Variants in DMD observed in about 807,000 individuals in gnomAD.
DMD encodes the protein dystrophin, also known as mutant dystrophin.
In DMD, 63 loss-of-function variants were observed where a neutral mutation model predicts 330.1. That is an observed-to-expected ratio of 0.19 (90% CI 0.16 to 0.24). The LOEUF (loss-of-function observed/expected upper bound fraction) is 0.24. Ranked by LOEUF, DMD falls within the 10% of genes least tolerant of loss-of-function variation. The pLI is 1.00. For missense variants in DMD, 3,344 were observed against 2,684.1 expected (o/e 1.25, Z -5.43); for synonymous variants, 1,223 against 959.8 (o/e 1.27, Z -5.07).
At chrX:33,223,102 G>C (rs1037846200) in intron 1 of DMD, among the ~76,000 whole-genome samples, 4 of 111,768 alleles carry the variant, frequency 3.6e-5, no homozygotes, top group Non-Finnish European at 7.5e-5. Context: ...TTGAGGTCAG[G>C]AGTATGAGAC....
intron 43 of DMD, among the ~76,000 whole-genome samples, chrX:32,267,184 C>T: frequency 8.9e-6 from 1 of 112,184 alleles, no homozygotes; most frequent in South Asian, 3.7e-4. Context: ...CTTAACTTCA[C>T]TTATCTCATT....
chrX:31,619,703 A>T (rs5972420), intron 55 of DMD, among the ~76,000 whole-genome samples: 4 of 110,756 alleles, frequency 3.6e-5, no homozygotes, highest in Admixed American at 9.6e-5. Flanking sequence ...TCCAATAGTT[A>T]ATTTACAAAG....
chrX:32,277,434 T>C (rs1299559306), intron 43 of DMD, among the ~76,000 whole-genome samples: 5 of 84,197 alleles, frequency 5.9e-5, no homozygotes, highest in African/African-American at 8.9e-5. Flanking sequence ...TCAACCAAAG[T>C]AGTAACATTG....
chrX:31,899,860 C>T (rs2094399029), intron 47 of DMD, among the ~76,000 whole-genome samples: 1 of 111,246 alleles, frequency 9.0e-6, no homozygotes, highest in African/African-American at 3.3e-5. Flanking sequence ...GAAATAGATG[C>T]TTAGATCCCA....
intron 44 of DMD, among the ~76,000 whole-genome samples, chrX:32,087,172 CCTT>C (rs2096445409): frequency 9.0e-6 from 1 of 111,594 alleles, no homozygotes; most frequent in Non-Finnish European, 1.9e-5. Flanking sequence ...GAATTCTTCT[CCTT>C]AACTTATCCA....
intron 1 of DMD, among the ~76,000 whole-genome samples, chrX:33,308,346 T>G (rs759599124): frequency 8.9e-6 from 1 of 112,491 alleles, no homozygotes; most frequent in Non-Finnish European, 1.9e-5. Context: ...ACAGTGGTAT[T>G]TGGAAATATT....
chrX:31,624,880 T>A (rs1325240865), intron 55 of DMD, among the ~76,000 whole-genome samples: 1 of 112,123 alleles, frequency 8.9e-6, no homozygotes, highest in Non-Finnish European at 1.9e-5. Context: ...AGCAAACACT[T>A]CCATTTAGCT....
In DMD at chrX:32,411,928, T is replaced by A; in HGVS notation, c.4072-15A>T. The stretch of plus-strand genomic sequence containing the variant: ...CTCCTTACAGCCTAAAAAGAAGGAA[T>A]AAGAGTGTATCAGTTAAATGTTTAC... On this transcript the variant is annotated splice_polypyrimidine_tract_variant and intron_variant, in intron 29 of 78. Coordinates refer to ENST00000357033, the MANE Select transcript of DMD (RefSeq NM_004006.3). 8.3e-7 allele frequency: 1 copy of A among 1,208,212 alleles called. No homozygotes were observed. The highest frequency in any genetic ancestry group is 2.2e-5 in the Admixed American group (1 of 45,910).
At position 33,243,543 on chromosome X, in the gene DMD, A is replaced by G. The variant is rs746185772; in HGVS notation, c.7+95716T>C. Among the ~76,000 whole-genome samples the G allele has an allele frequency of 3.6e-5, 4 of 112,078 alleles. No individual in the cohort carries two copies. The South Asian group carries it at 1.5e-3, about 41-fold the overall frequency. ...TACCATTTGATATAGTATTCTCACA[A>G]CTGGGTATCTACCCAAATGAAAAGA... is the stretch of plus-strand genomic sequence containing the variant. On this transcript the variant is annotated intron_variant, in intron 1 of 17. Coordinates refer to the DMD transcript ENST00000288447.
chrX:32,162,069 G>C (rs747723378), intron 44 of DMD, among the ~76,000 whole-genome samples: 1 of 111,523 alleles, frequency 9.0e-6, no homozygotes, highest in Non-Finnish European at 1.9e-5. Flanking sequence ...TGCATGTGGG[G>C]CTTAAAACCT....
At chrX:31,921,054 A>G (rs1275215051) in intron 47 of DMD, among the ~76,000 whole-genome samples, 1 of 111,703 alleles carries the variant, frequency 9.0e-6, no homozygotes, top group African/African-American at 3.3e-5. Flanking sequence ...AACCTTCTAC[A>G]AATGCTTTTC....
At chrX:32,932,174 A>G (rs775911542) in intron 2 of DMD, among the ~76,000 whole-genome samples, 106 of 112,369 alleles carry the variant, frequency 9.4e-4, no homozygotes, top group Non-Finnish European at 1.7e-3. Flanking sequence ...TGGCTACAAT[A>G]GAATCCATTT....
At chrX:32,574,358 A>T (rs1392329598) in intron 13 of DMD, among the ~76,000 whole-genome samples, 3 of 111,940 alleles carry the variant, frequency 2.7e-5, no homozygotes, top group Non-Finnish European at 5.6e-5. Flanking sequence ...CAATTTTCTC[A>T]ATTATTACAA....
At chrX:32,721,323 C>A (rs777898086) in intron 7 of DMD, among the ~76,000 whole-genome samples, 9 of 110,253 alleles carry the variant, frequency 8.2e-5, no homozygotes, top group African/African-American at 2.6e-4. Flanking sequence ...ACACCGACAC[C>A]AGCAGTATGT....
At chrX:32,426,859 G>A (rs1044901666) in intron 29 of DMD, among the ~76,000 whole-genome samples, 1 of 111,605 alleles carries the variant, frequency 9.0e-6, no homozygotes, top group African/African-American at 3.3e-5. Flanking sequence ...TGCAGGAACA[G>A]ACAACTAAAT....
intron 59 of DMD, among the ~76,000 whole-genome samples, chrX:31,461,351 T>G (rs2066515075): frequency 9.0e-6 from 1 of 111,576 alleles, no homozygotes; most frequent in African/African-American, 3.3e-5. Context: ...AAGTTGGGAC[T>G]TCTTAGCCTT....
rs951797398 is a variant in DMD at position 32,544,779 on chromosome X, C to T, written c.2168+380G>A. The stretch of plus-strand genomic sequence containing the variant: ...GTACTTCTTCATGAAAATGCACTTT[C>T]CGTTACTGGAAAAAAAAGACATTTA... On this transcript the variant is annotated intron_variant, in intron 17 of 78. Transcript: ENST00000357033. Among the ~76,000 whole-genome samples, 3 of 108,938 alleles carry T rather than the reference C, an allele frequency of 2.8e-5. No individual in the cohort carries two copies. The Admixed American group carries it at 3.0e-4, about 11-fold the overall frequency. The allele number at this position is 108,938 out of a possible 115,157, so 94.6% of individuals were successfully genotyped here.
intron 44 of DMD, among the ~76,000 whole-genome samples, chrX:32,168,174 TA>T (rs1182468948): frequency 1.8e-5 from 2 of 111,643 alleles, no homozygotes; most frequent in African/African-American, 6.5e-5. Context: ...TGTCCTGGAT[TA>T]ATCATCTCTC....
At chrX:31,833,642 G>A (rs73464038) in intron 49 of DMD, among the ~76,000 whole-genome samples, 10,163 of 110,480 alleles carry the variant, frequency 0.092, 483 homozygotes, top group East Asian at 0.32. Context: ...AGAAGTTGAC[G>A]AAGTGAAGGA....
Sources: gnomAD v4.1 joint callset for allele counts (sites outside exome capture counted in the v4.1 genomes callset) on GRCh38, gnomAD v4.1.1 for gene constraint, MANE v1.5 for transcripts, NCBI Gene and HGNC (gene_info 2026-07-23, HGNC 2026-07-21) for gene names.